Variants in TAF3 observed in about 807,000 individuals in gnomAD.
TAF3 encodes the protein transcription initiation factor TFIID subunit 3.
Under a neutral mutation model 80.6 loss-of-function variants are expected in TAF3, and 7 were observed. The observed-to-expected ratio is 0.09, with a 90% CI of 0.05 to 0.16. The LOEUF (loss-of-function observed/expected upper bound fraction) is 0.16. Ranked by LOEUF, TAF3 falls within the 10% of genes least tolerant of loss-of-function variation. TAF3 has a pLI of 1.00. For missense variants in TAF3, 921 were observed against 1,140.2 expected (o/e 0.81, Z 2.77); for synonymous variants, 444 against 446.1 (o/e 1.00, Z 0.06).
intron 1 of TAF3, 131 bp from the exon 2 acceptor site, chr10:7,824,187 A>G (rs1364007952): frequency 9.4e-7 from 1 of 1,063,602 alleles, no homozygotes; most frequent in Non-Finnish European, 1.3e-6. Context: ...AATCTATTAA[A>G]TTCTTTCCAA....
At chr10:7,859,681 G>C (rs916305044) in intron 2 of TAF3, among the ~76,000 whole-genome samples, 2 of 152,148 alleles carry the variant, frequency 1.3e-5, no homozygotes, top group African/African-American at 4.8e-5. Context: ...CCACTTTTCC[G>C]CCGGGGCATT....
At chr10:7,950,167 A>G (rs2131402836) in intron 2 of TAF3, among the ~76,000 whole-genome samples, 1 of 152,346 alleles carries the variant, frequency 6.6e-6, no homozygotes, top group African/African-American at 2.4e-5. Context: ...TGAACAGTCA[A>G]ACAGTTATAA....
rs190163139 is a variant in TAF3 at position 7,885,707 on chromosome 10, A to G, written c.409+61147A>G. Among the ~76,000 whole-genome samples, 5 of 152,204 alleles carry G rather than the reference A, an allele frequency of 3.3e-5. No homozygotes were observed. The East Asian group carries it at 9.6e-4, about 29-fold the overall frequency. On this transcript the variant is annotated intron_variant, in intron 2 of 6. Transcript: ENST00000344293. ...TCCACACAGTCTTCATTATCTCCCA[A>G]ATAATCAACCTTTCTTCCTTACAGG... is the stretch of plus-strand genomic sequence containing the variant.
intron 2 of TAF3, among the ~76,000 whole-genome samples, chr10:7,902,476 C>T (rs866043457): frequency 6.6e-6 from 1 of 151,814 alleles, no homozygotes; most frequent in Non-Finnish European, 1.5e-5. Flanking sequence ...ATTAAGAGTC[C>T]GGGCCAATAT....
chr10:7,883,766 A>T (rs1017619877), intron 2 of TAF3, among the ~76,000 whole-genome samples: 1 of 152,174 alleles, frequency 6.6e-6, no homozygotes, highest in African/African-American at 2.4e-5. Context: ...TTTACTCAGT[A>T]TATTATACTC....
chr10:7,871,627 A>G (rs1837267724), intron 2 of TAF3, among the ~76,000 whole-genome samples: 2 of 151,878 alleles, frequency 1.3e-5, no homozygotes, highest in South Asian at 4.2e-4. Flanking sequence ...TATTTTTAGT[A>G]GAGACAGGTT....
intron 2 of TAF3, among the ~76,000 whole-genome samples, chr10:7,857,589 A>G (rs975315384): frequency 1.3e-5 from 2 of 152,206 alleles, no homozygotes; most frequent in African/African-American, 2.4e-5. Context: ...TTTAAAGGGC[A>G]TTTTGATTTT....
chr10:7,918,632 G>T (rs542212787), intron 2 of TAF3, among the ~76,000 whole-genome samples: 2 of 152,178 alleles, frequency 1.3e-5, no homozygotes, highest in Non-Finnish European at 2.9e-5. Context: ...CAGGCCTCCA[G>T]ACATCAGTCA....
chr10:7,828,181 A>G (rs1244479), intron 2 of TAF3, among the ~76,000 whole-genome samples: 67,665 of 152,018 alleles, frequency 0.45, 15,232 homozygotes, highest in South Asian at 0.55. Context: ...TGTAGTGCGC[A>G]ATGATTGAGC....
chr10:7,922,061 C>T (rs1004809963), intron 2 of TAF3, among the ~76,000 whole-genome samples: 2 of 152,044 alleles, frequency 1.3e-5, no homozygotes, highest in Non-Finnish European at 2.9e-5. Context: ...TATGTTACTT[C>T]CTTAACAGTG....
chr10:7,938,572 G>A (rs1053815280), intron 2 of TAF3, among the ~76,000 whole-genome samples: 3 of 152,114 alleles, frequency 2.0e-5, no homozygotes, highest in Non-Finnish European at 2.9e-5. Flanking sequence ...AAAAGAAAAC[G>A]TGAGCCTCCT....
At chr10:7,940,965 GAA>G in intron 2 of TAF3, among the ~76,000 whole-genome samples, 1 of 125,038 alleles carries the variant, frequency 8.0e-6, no homozygotes, top group East Asian at 2.3e-4. Context: ...TCTCAAAAAA[GAA>G]AAAAAAAAAG....
chr10:7,987,209 G>A (rs1831787315), intron 4 of TAF3, among the ~76,000 whole-genome samples: 2 of 151,982 alleles, frequency 1.3e-5, no homozygotes, highest in South Asian at 2.1e-4. Context: ...TTAGTCCCAC[G>A]TACTCAGGAG....
At chr10:7,980,789 T>C (rs902279025) in intron 4 of TAF3, among the ~76,000 whole-genome samples, 4 of 152,148 alleles carry the variant, frequency 2.6e-5, no homozygotes, top group Non-Finnish European at 5.9e-5. Flanking sequence ...CACTTGGACT[T>C]GGGGCTGGGA....
chr10:7,927,258 A>G (rs780434889), intron 2 of TAF3, among the ~76,000 whole-genome samples: 52 of 152,332 alleles, frequency 3.4e-4, no homozygotes, highest in Non-Finnish European at 6.3e-4. Context: ...TATTTTGTCC[A>G]TGGTGGCCAT....
chr10:7,997,568 A>G (rs1831901640), intron 4 of TAF3, among the ~76,000 whole-genome samples: 1 of 152,216 alleles, frequency 6.6e-6, no homozygotes, highest in Non-Finnish European at 1.5e-5. Flanking sequence ...AAACAGGTAA[A>G]GAAATCCTGC....
chr10:7,943,967 G>A (rs1837999607), intron 2 of TAF3, among the ~76,000 whole-genome samples: 2 of 152,086 alleles, frequency 1.3e-5, no homozygotes, highest in Admixed American at 1.3e-4. Context: ...TTTATACTTT[G>A]AAAAGGGGGT....
intron 2 of TAF3, among the ~76,000 whole-genome samples, chr10:7,897,820 C>T (rs901297793): frequency 3.3e-5 from 5 of 151,994 alleles, no homozygotes; most frequent in African/African-American, 7.2e-5. Flanking sequence ...CCACCATGCC[C>T]GGCTAACTTT....
intron 3 of TAF3, among the ~76,000 whole-genome samples, chr10:7,976,941 A>G (rs1449661339): frequency 1.3e-5 from 2 of 152,212 alleles, no homozygotes; most frequent in Non-Finnish European, 2.9e-5. Context: ...ACCAGAAATG[A>G]TCTAGGTAAC....
Sources: allele counts gnomAD v4.1 joint callset (sites outside exome capture counted in the v4.1 genomes callset), GRCh38; gene constraint gnomAD v4.1.1; transcripts MANE v1.5; gene names NCBI Gene and HGNC (gene_info 2026-07-23, HGNC 2026-07-21).